The following PEAK1 variants were observed in gnomAD, a reference collection of about 807,000 sequenced individuals.
PEAK1 encodes the protein pseudopodium enriched atypical kinase 1.
Under a neutral mutation model 124.7 loss-of-function variants are expected in PEAK1, and 54 were observed. The observed-to-expected ratio is 0.43, with a 90% CI of 0.35 to 0.54. The LOEUF is 0.54. Ranked by LOEUF, PEAK1 falls within the 20% of genes least tolerant of loss-of-function variation. The pLI is 0.01. For synonymous variants in PEAK1, 719 were observed against 760.0 expected (o/e 0.95, Z 0.89); for missense variants, 2,046 against 2,134.5 (o/e 0.96, Z 0.82).
Position 77,180,052 on chromosome 15 carries a change from T to A in PEAK1, c.1875A>T (p.Lys625Asn), listed in dbSNP as rs764070522. 1 of 1,613,958 alleles carries A rather than the reference T, an allele frequency of 6.2e-7. No homozygotes were observed. The highest frequency in any genetic ancestry group is 8.5e-7 in the Non-Finnish European group (1 of 1,179,934). Residue 625 changes from lysine (K) to asparagine (N), a missense_variant, in exon 7 of 10, where the codon AAA becomes AAT. Physicochemically the swap from Lys to Asn is moderately conservative, Grantham distance 94. Transcript: ENST00000682557. ...TYARSSKNAI[K>N]VPIVINPNAY... is the part of the protein sequence containing the mutation. ...CATTTGGATTGATAACAATGGGAAC[T>A]TTGATAGCATTTTTGGAACTCCGAG...
chr15:77,155,639 T>C (rs1294383370), intron 8 of PEAK1: 2 of 152,366 alleles, frequency 1.3e-5, no homozygotes, highest in South Asian at 2.1e-4. Flanking sequence ...TCTTTGATGA[T>C]GGTGACGTAT....
chr15:77,309,603 CATAA>C (rs2064310194), intron 2 of PEAK1, among the ~76,000 whole-genome samples: 1 of 152,234 alleles, frequency 6.6e-6, no homozygotes, highest in Non-Finnish European at 1.5e-5. Flanking sequence ...TCACACATTA[CATAA>C]ATAATCACCT....
At chr15:77,373,658 C>T (rs1256972135) in intron 1 of PEAK1, among the ~76,000 whole-genome samples, 1 of 152,200 alleles carries the variant, frequency 6.6e-6, no homozygotes, top group Non-Finnish European at 1.5e-5. Flanking sequence ...TGAAGGGGTT[C>T]TTCAAGATCG....
At chr15:77,408,060 GATACACATATATACATAT>G (rs199896539) in intron 1 of PEAK1, among the ~76,000 whole-genome samples, 12,112 of 147,824 alleles carry the variant, frequency 0.082, 555 homozygotes, top group Non-Finnish European at 0.1. Flanking sequence ...TACATGCATA[GATACACATATATACATAT>G]ATACACATAT....
chr15:77,405,399 T>A (rs889767362), intron 1 of PEAK1, among the ~76,000 whole-genome samples: 5 of 152,210 alleles, frequency 3.3e-5, no homozygotes, highest in Non-Finnish European at 2.9e-5. Flanking sequence ...GATGGTAGCA[T>A]GACAGATTTT....
chr15:77,287,674 A>C (rs543359177), intron 2 of PEAK1, among the ~76,000 whole-genome samples: 1 of 152,210 alleles, frequency 6.6e-6, no homozygotes, highest in African/African-American at 2.4e-5. Flanking sequence ...AAAACCCTGA[A>C]TCCTAACCTT....
chr15:77,400,695 G>C (rs966358553), intron 1 of PEAK1, among the ~76,000 whole-genome samples: 1 of 151,942 alleles, frequency 6.6e-6, no homozygotes, highest in African/African-American at 2.4e-5. Context: ...TGAGATAGGA[G>C]GTAGAATGTA....
chr15:77,189,631 G>GT (rs895091159), intron 6 of PEAK1, among the ~76,000 whole-genome samples: 11 of 152,306 alleles, frequency 7.2e-5, no homozygotes, highest in African/African-American at 2.6e-4. Flanking sequence ...TCAAAGTTGT[G>GT]TTTTTTGTGT....
intron 5 of PEAK1, among the ~76,000 whole-genome samples, chr15:77,266,175 C>T (rs866343661): frequency 1.3e-5 from 2 of 151,992 alleles, no homozygotes; most frequent in South Asian, 2.1e-4. Context: ...GTGGGTGCAG[C>T]GCACCAGCAT....
At chr15:77,192,225 A>C (rs1223257511) in intron 6 of PEAK1, among the ~76,000 whole-genome samples, 1 of 152,236 alleles carries the variant, frequency 6.6e-6, no homozygotes, top group Non-Finnish European at 1.5e-5. Flanking sequence ...AGAGAAAATG[A>C]AAAAGGCAAA....
At chr15:77,372,694 C>T (rs2068730059) in intron 1 of PEAK1, among the ~76,000 whole-genome samples, 3 of 152,092 alleles carry the variant, frequency 2.0e-5, no homozygotes, top group Non-Finnish European at 2.9e-5. Context: ...TATGTGTCCC[C>T]GCTCAAATCT....
At chr15:77,351,864 G>GA in intron 2 of PEAK1, 1 of 985,388 alleles carries the variant, frequency 1.0e-6, no homozygotes, top group Non-Finnish European at 1.2e-6. Context: ...GGGCATACAA[G>GA]AAAAGGACAG....
chr15:77,285,377 T>C (rs758371039), intron 3 of PEAK1, among the ~76,000 whole-genome samples: 4 of 152,192 alleles, frequency 2.6e-5, no homozygotes, highest in Admixed American at 2.0e-4. Flanking sequence ...CCCTTTTTAC[T>C]TCATCAGAAA....
intron 6 of PEAK1, among the ~76,000 whole-genome samples, chr15:77,190,160 T>C (rs2057762135): frequency 6.6e-6 from 1 of 152,172 alleles, no homozygotes; most frequent in South Asian, 2.1e-4. Flanking sequence ...AAATTTTACC[T>C]TTCCCAGCTA....
At chr15:77,129,742 A>G (rs1323888023) in intron 9 of PEAK1, among the ~76,000 whole-genome samples, 1 of 151,898 alleles carries the variant, frequency 6.6e-6, no homozygotes, top group African/African-American at 2.4e-5. Context: ...CACCACGCCC[A>G]GTCTACCACT....
exon 7 of PEAK1, chr15:77,102,212 C>T (rs192737641): frequency 2.0e-5 from 3 of 152,296 alleles, no homozygotes; most frequent in Non-Finnish European, 2.9e-5. Context: ...AAAGCTTAAA[C>T]ATTTGGGTTC....
chr15:77,333,955 A>T, intron 2 of PEAK1: 1 of 395,188 alleles, frequency 2.5e-6, no homozygotes, highest in Non-Finnish European at 3.4e-6. Context: ...CAAAAATGTT[A>T]ATTAGATTTT....
chr15:77,348,234 A>T, intron 2 of PEAK1: 3 of 965,602 alleles, frequency 3.1e-6, no homozygotes, highest in Non-Finnish European at 3.7e-6. Flanking sequence ...CCTGTACTGG[A>T]ATCCCACCTC....
In PEAK1 at chr15:77,149,492, A is replaced by C. The variant is rs12442111; in HGVS notation, c.3331+9011T>G. ...TTATCAAGTCTTTAAATCATAAAAC[A>C]TTACTGAAAGGAGTAGTTTAAAACT... On this transcript the variant is annotated intron_variant, in intron 8 of 9. Coordinates refer to ENST00000682557, the MANE Select transcript of PEAK1 (RefSeq NM_001385026.1). Among the ~76,000 whole-genome samples, 49 of 152,358 alleles carry C rather than the reference A, an allele frequency of 3.2e-4. 1 individual carries two copies. The highest frequency in any genetic ancestry group is 1.6e-3 in the Admixed American group (25 of 15,310).
Sources: gnomAD v4.1 joint callset for allele counts (sites outside exome capture counted in the v4.1 genomes callset) on GRCh38, gnomAD v4.1.1 for gene constraint, MANE v1.5 for transcripts, NCBI Gene and HGNC (gene_info 2026-07-23, HGNC 2026-07-21) for gene names.